Variants in ATAD2B observed in about 807,000 individuals in gnomAD.
The protein encoded by ATAD2B is ATPase family AAA domain-containing protein 2B.
In ATAD2B, 40 loss-of-function variants were observed where a neutral mutation model predicts 167.6. The observed-to-expected ratio is 0.24, with a 90% CI of 0.19 to 0.31. ATAD2B has a LOEUF of 0.31. Ranked by LOEUF, ATAD2B falls within the 10% of genes least tolerant of loss-of-function variation. ATAD2B has a pLI of 1.00. For synonymous variants in ATAD2B, 579 were observed against 596.5 expected (o/e 0.97, Z 0.43); for missense variants, 1,242 against 1,757.2 (o/e 0.71, Z 5.24).
At chr2:23,742,754 A>G in the ATAD2B span, among the ~76,000 whole-genome samples, 12 of 152,150 alleles carry the variant, frequency 7.9e-5, no homozygotes, top group Non-Finnish European at 1.8e-4. Context: ...AAATCAAGAG[A>G]ACTCCAAATG....
At chr2:23,829,736 A>AT (rs1428124818) in intron 14 of ATAD2B, among the ~76,000 whole-genome samples, 2 of 152,190 alleles carry the variant, frequency 1.3e-5, no homozygotes, top group African/African-American at 4.8e-5. Flanking sequence ...AGCCTGGGTG[A>AT]TAAGAGTGAG....
intron 1 of ATAD2B, among the ~76,000 whole-genome samples, chr2:23,896,854 G>A (rs568124664): frequency 4.6e-5 from 7 of 152,256 alleles, no homozygotes; most frequent in East Asian, 1.9e-4. Context: ...GAGTACAGGC[G>A]AGCCAGGTGC....
At chr2:23,885,512 C>T (rs1047645262) in intron 5 of ATAD2B, among the ~76,000 whole-genome samples, 17 of 152,122 alleles carry the variant, frequency 1.1e-4, no homozygotes, top group Non-Finnish European at 2.2e-4. Flanking sequence ...GGTGACTCAT[C>T]CAGCAAAAGT....
intron 8 of ATAD2B, among the ~76,000 whole-genome samples, chr2:23,874,197 AG>A (rs1696448030): frequency 6.6e-6 from 1 of 151,854 alleles, no homozygotes; most frequent in African/African-American, 2.4e-5. Context: ...AAAAAAAAAA[AG>A]AAAAGAGCTT....
chr2:23,751,860 C>G lies in ATAD2B; in HGVS notation c.*186G>C. 1 of 583,048 alleles carries G rather than the reference C, an allele frequency of 1.7e-6. No individual in the cohort carries two copies. The highest frequency in any genetic ancestry group is 3.1e-6 in the Non-Finnish European group (1 of 325,028). 36.1% of individuals were successfully genotyped at this position (583,048 alleles called of 1,614,324 possible). On this transcript the variant is annotated 3_prime_UTR_variant, in exon 28 of 28. Transcript: ENST00000238789. ...CATGTTTCTGAAGTTCTGTTTGGTT[C>G]TTGTAGGCTGGTTGGTTTCAGGTAC...
At chr2:23,701,709 C>CTTCACCCA in the ATAD2B span, among the ~76,000 whole-genome samples, 5 of 152,172 alleles carry the variant, frequency 3.3e-5, no homozygotes, top group East Asian at 9.6e-4. Flanking sequence ...AGAGCAAGAC[C>CTTCACCCA]CTGCCTCAAA....
At chr2:23,769,872 C>A (rs60058593) in intron 22 of ATAD2B, among the ~76,000 whole-genome samples, 1 of 151,442 alleles carries the variant, frequency 6.6e-6, no homozygotes. Flanking sequence ...TTAGTAGAGA[C>A]AGGGATTCAC....
Position 23,828,951 on chromosome 2 carries a change from A to C in ATAD2B, c.1729-12T>G. 6.5e-7 allele frequency: 1 copy of C among 1,538,208 alleles called. No homozygotes were observed. The highest frequency in any genetic ancestry group is 9.0e-7 in the Non-Finnish European group (1 of 1,116,126). ...ATGTGTTTTCTTGCCTAAGATGAAAAGCACAGATACATAAAATCTTGCCCA... is the reference window on the plus strand; with the variant it reads ...ATGTGTTTTCTTGCCTAAGATGAAACGCACAGATACATAAAATCTTGCCCA... On this transcript the variant is annotated splice_polypyrimidine_tract_variant and intron_variant, in intron 14 of 27. Transcript: ENST00000238789.
intron 1 of ATAD2B, among the ~76,000 whole-genome samples, chr2:23,925,420 G>A (rs1704587650): frequency 1.3e-5 from 2 of 152,152 alleles, no homozygotes; most frequent in South Asian, 4.1e-4. Context: ...ACAAAGAAAA[G>A]CACACACAAA....
intron 23 of ATAD2B, 89 bp from the exon 24 acceptor site, chr2:23,762,435 A>G (rs1476513335): frequency 7.4e-7 from 1 of 1,359,496 alleles, no homozygotes; most frequent in Non-Finnish European, 9.9e-7. Context: ...TACAAAACTG[A>G]GTTTTAAAGT....
At chr2:23,804,739 T>C (rs1684082017) in intron 18 of ATAD2B, among the ~76,000 whole-genome samples, 1 of 151,906 alleles carries the variant, frequency 6.6e-6, no homozygotes, top group African/African-American at 2.4e-5. Context: ...AGTGTTTCCT[T>C]ACCTTTACTT....
chr2:23,920,169 A>AT (rs1314276385), intron 1 of ATAD2B, among the ~76,000 whole-genome samples: 1 of 151,096 alleles, frequency 6.6e-6, no homozygotes, highest in African/African-American at 2.4e-5. Flanking sequence ...AAAAAAAGGT[A>AT]TTAATTGGGC....
At chr2:23,681,993 T>G in the ATAD2B span, among the ~76,000 whole-genome samples, 57 of 152,092 alleles carry the variant, frequency 3.7e-4, 4 homozygotes, top group East Asian at 0.01. The surrounding 1 kb of genome is among the most constrained non-coding windows in gnomAD (Gnocchi z 4.2). Flanking sequence ...ATCCACCGCC[T>G]CCTACCCCAT....
intron 17 of ATAD2B, 78 bp from the exon 18 acceptor site, chr2:23,810,580 A>C (rs1015880097): frequency 8.6e-7 from 1 of 1,162,956 alleles, no homozygotes; most frequent in Non-Finnish European, 1.2e-6. Context: ...CAAAATTTTT[A>C]CATTAAAACA....
intron 1 of ATAD2B, among the ~76,000 whole-genome samples, chr2:23,899,942 G>A (rs1024957419): frequency 2.9e-5 from 1 of 35,052 alleles, no homozygotes; most frequent in African/African-American, 1.1e-4. Context: ...TTTTTTTTTT[G>A]AGACAGAGTC....
chr2:23,692,670 G>T, the ATAD2B span, among the ~76,000 whole-genome samples: 2 of 152,208 alleles, frequency 1.3e-5, no homozygotes, highest in African/African-American at 2.4e-5. Flanking sequence ...GCATGAAGGG[G>T]AAAGAGTGCA....
intron 1 of ATAD2B, among the ~76,000 whole-genome samples, chr2:23,921,609 C>T (rs1234242914): frequency 1.3e-5 from 2 of 152,122 alleles, no homozygotes; most frequent in South Asian, 2.1e-4. Flanking sequence ...AAGTTTCATC[C>T]ATGACCTAAA....
chr2:23,808,200 T>C (rs1218320607), intron 18 of ATAD2B, among the ~76,000 whole-genome samples: 1 of 121,608 alleles, frequency 8.2e-6, no homozygotes, highest in South Asian at 2.4e-4. Flanking sequence ...TTTATATTTA[T>C]ATAAAAATAT....
At chr2:23,706,900 T>G in the ATAD2B span, 1 of 457,314 alleles carries the variant, frequency 2.2e-6, no homozygotes. Flanking sequence ...TGGGGCTGGC[T>G]GCCTCCTGAA....
Sources: allele counts gnomAD v4.1 joint callset (sites outside exome capture counted in the v4.1 genomes callset), GRCh38; gene constraint gnomAD v4.1.1; non-coding constraint Gnocchi (gnomAD v3.1); transcripts MANE v1.5; gene names NCBI Gene and HGNC (gene_info 2026-07-23, HGNC 2026-07-21).